BLTP3B: variants seen among roughly 807,000 people sequenced by gnomAD.
The protein encoded by BLTP3B is UHRF1 (ICBP90) binding protein 1-like.
chr12:100,101,523 C>G, the BLTP3B span, among the ~76,000 whole-genome samples: 1 of 152,142 alleles, frequency 6.6e-6, no homozygotes, highest in African/African-American at 2.4e-5. Flanking sequence ...AAATCTATGT[C>G]AACAATTAAT....
chr12:100,142,231 C>A, the BLTP3B span, among the ~76,000 whole-genome samples: 2 of 152,238 alleles, frequency 1.3e-5, no homozygotes, highest in Non-Finnish European at 2.9e-5. Flanking sequence ...AGCACATTAA[C>A]CAGGCACTTG....
the BLTP3B span, among the ~76,000 whole-genome samples, chr12:100,061,840 A>T: frequency 6.6e-6 from 1 of 152,186 alleles, no homozygotes; most frequent in Non-Finnish European, 1.5e-5. Flanking sequence ...CATGCATTAA[A>T]AACAAGACTA....
the BLTP3B span, among the ~76,000 whole-genome samples, chr12:100,123,385 T>C: frequency 2.0e-5 from 3 of 152,188 alleles, no homozygotes; most frequent in Non-Finnish European, 2.9e-5. Flanking sequence ...TCTCTAACGA[T>C]GTTTTTCCTC....
At chr12:100,057,473 G>C in the BLTP3B span, 1 of 839,590 alleles carries the variant, frequency 1.2e-6, no homozygotes, top group African/African-American at 1.8e-5. Flanking sequence ...TAAAAAGCAT[G>C]GGTACAGTTA....
chr12:100,072,463 T>C, the BLTP3B span, among the ~76,000 whole-genome samples: 5 of 150,946 alleles, frequency 3.3e-5, no homozygotes, highest in Non-Finnish European at 7.4e-5. Context: ...TCCCAACACT[T>C]TGGGAGGCCA....
chr12:100,072,668 T>C, the BLTP3B span: 1 of 1,506,484 alleles, frequency 6.6e-7, no homozygotes, highest in Non-Finnish European at 8.8e-7. Context: ...AAAAACTCTC[T>C]TACTTGGAAA....
chr12:100,069,754 C>T, the BLTP3B span, among the ~76,000 whole-genome samples: 1 of 152,058 alleles, frequency 6.6e-6, no homozygotes, highest in East Asian at 1.9e-4. Context: ...AAATAGGGTA[C>T]AGTGTATACT....
At chr12:100,041,739 A>G in the BLTP3B span, among the ~76,000 whole-genome samples, 1 of 152,002 alleles carries the variant, frequency 6.6e-6, no homozygotes, top group Admixed American at 6.6e-5. Context: ...CCGGCCTGCT[A>G]TTGTCACTTC....
At chr12:100,110,672 T>A in the BLTP3B span, among the ~76,000 whole-genome samples, 3 of 152,162 alleles carry the variant, frequency 2.0e-5, no homozygotes, top group East Asian at 3.9e-4. Flanking sequence ...CAGGGACTTT[T>A]GAGCTGGTAT....
chr12:100,040,719 T>C, the BLTP3B span, among the ~76,000 whole-genome samples: 9 of 151,444 alleles, frequency 5.9e-5, no homozygotes, highest in African/African-American at 2.0e-4. Flanking sequence ...AAAAAAACTA[T>C]GTAACTTAGA....
the BLTP3B span, among the ~76,000 whole-genome samples, chr12:100,065,856 C>T: frequency 1.3e-5 from 2 of 152,088 alleles, no homozygotes; most frequent in African/African-American, 4.8e-5. Context: ...CCCTTTGAAG[C>T]ATGTCATCTT....
chr12:100,050,136 T>C, the BLTP3B span: 3 of 1,444,358 alleles, frequency 2.1e-6, no homozygotes, highest in Non-Finnish European at 9.1e-7. Context: ...TAAACCATTG[T>C]ATATGAAAAA....
At chr12:100,064,869 TA>T in the BLTP3B span, among the ~76,000 whole-genome samples, 166 of 126,754 alleles carry the variant, frequency 1.3e-3, no homozygotes, top group African/African-American at 2.5e-3. Flanking sequence ...AAACAAAAAT[TA>T]AAAAAAAAAT....
chr12:100,037,266 A>G, the BLTP3B span: 1 of 987,922 alleles, frequency 1.0e-6, no homozygotes, highest in South Asian at 4.6e-5. Context: ...AAATCAATTC[A>G]GCAATCTGTG....
chr12:100,102,427 TAAGA>T, the BLTP3B span, among the ~76,000 whole-genome samples: 3 of 152,082 alleles, frequency 2.0e-5, 1 homozygote, highest in South Asian at 6.2e-4. Context: ...ACTTAACTCT[TAAGA>T]GTCATAAAAG....
At chr12:100,053,499 G>A in the BLTP3B span, among the ~76,000 whole-genome samples, 1 of 152,158 alleles carries the variant, frequency 6.6e-6, no homozygotes, top group African/African-American at 2.4e-5. Context: ...ACCAGAGGTA[G>A]GCTGATAGTC....
chr12:100,125,624 G>T, the BLTP3B span, among the ~76,000 whole-genome samples: 1 of 152,134 alleles, frequency 6.6e-6, no homozygotes, highest in African/African-American at 2.4e-5. Context: ...CTCCAGCATG[G>T]GCAACAGAGT....
At chr12:100,062,038 G>A in the BLTP3B span, among the ~76,000 whole-genome samples, 12 of 152,086 alleles carry the variant, frequency 7.9e-5, no homozygotes, top group Admixed American at 5.9e-4. Context: ...CCGAACAGGA[G>A]GGACATACAC....
the BLTP3B span, among the ~76,000 whole-genome samples, chr12:100,085,523 A>C: frequency 6.6e-6 from 1 of 151,192 alleles, no homozygotes; most frequent in African/African-American, 2.4e-5. Context: ...ATTTAAAATG[A>C]AAAAAAAATC....
Sources: gnomAD v4.1 joint callset for allele counts (sites outside exome capture counted in the v4.1 genomes callset) on GRCh38, gnomAD v4.1.1 for gene constraint, MANE v1.5 for transcripts, NCBI Gene and HGNC (gene_info 2026-07-23, HGNC 2026-07-21) for gene names.